Variants in PALLD observed in about 807,000 individuals in gnomAD.
PALLD encodes palladin.
In PALLD, 61 loss-of-function variants were observed where a neutral mutation model predicts 123.5. That is an observed-to-expected ratio of 0.49 (90% confidence interval 0.40 to 0.61). The LOEUF (loss-of-function observed/expected upper bound fraction) is 0.61, where lower values mean the gene tolerates loss of function less well. Among genes scored for constraint, PALLD ranks in the 20% least tolerant of loss-of-function variants. The probability of loss-of-function intolerance (pLI) is 0.00; values close to 1 mark genes in which losing one functional copy is unlikely to be tolerated. For synonymous variants in PALLD, 465 were observed against 496.4 expected (o/e 0.94, Z 0.84); for missense variants, 1,273 against 1,377.0 (o/e 0.92, Z 1.20).
intron 10 of PALLD, among the ~76,000 whole-genome samples, chr4:168,820,627 T>C (rs1742578635): frequency 6.6e-6 from 1 of 152,128 alleles, no homozygotes. Context: ...CTCTTAAGCA[T>C]GAACTTGCAT....
chr4:168,783,353 A>G (rs918566641), intron 10 of PALLD, among the ~76,000 whole-genome samples: 12 of 152,158 alleles, frequency 7.9e-5, no homozygotes, highest in Non-Finnish European at 1.5e-4. Flanking sequence ...TAAAATAAGC[A>G]TAATACAGAG....
intron 1 of PALLD, among the ~76,000 whole-genome samples, chr4:168,500,645 G>A (rs772976276): frequency 6.6e-5 from 10 of 152,192 alleles, no homozygotes; most frequent in Non-Finnish European, 1.5e-4. Context: ...AACAGTGCTG[G>A]GAGTACAGAT....
At chr4:168,767,247 C>G (rs369886317) in intron 10 of PALLD, among the ~76,000 whole-genome samples, 1 of 152,304 alleles carries the variant, frequency 6.6e-6, no homozygotes, top group African/African-American at 2.4e-5. Flanking sequence ...CCATCGTCAT[C>G]TCATGCCACA....
intron 10 of PALLD, among the ~76,000 whole-genome samples, chr4:168,786,026 A>G (rs189788932): frequency 1.3e-5 from 2 of 151,814 alleles, no homozygotes; most frequent in East Asian, 3.9e-4. Context: ...TTCAAATAGT[A>G]TGATAGAAGT....
At chr4:168,586,586 A>G (rs917922944) in intron 2 of PALLD, among the ~76,000 whole-genome samples, 1 of 152,176 alleles carries the variant, frequency 6.6e-6, no homozygotes, top group African/African-American at 2.4e-5. Flanking sequence ...ACGTAAGCTG[A>G]ATCATTGTGC....
chr4:168,717,498 G>A (rs930573670), intron 10 of PALLD, among the ~76,000 whole-genome samples: 4 of 151,934 alleles, frequency 2.6e-5, no homozygotes, highest in South Asian at 2.1e-4. Context: ...TTACAGGCAC[G>A]TGCCACCACC....
At chr4:168,781,514 C>T (rs1735925301) in intron 10 of PALLD, among the ~76,000 whole-genome samples, 1 of 152,150 alleles carries the variant, frequency 6.6e-6, no homozygotes. Context: ...AAGCCTGTCG[C>T]AGCACAGCAT....
rs988381657 is a variant in PALLD, at chr4:168,526,000, C to T, written c.908+13588C>T. The stretch of plus-strand genomic sequence containing the variant: ...ATACTGATCTAGTCCCTTTCACCTG[C>T]AAATCTTAAAATCTTAACATTTGTT... On this transcript the variant is annotated intron_variant, in intron 2 of 21. Coordinates refer to ENST00000505667, the MANE Select transcript of PALLD (RefSeq NM_001166108.2). Among the ~76,000 whole-genome samples the T allele has an allele frequency of 3.9e-5, 6 of 152,274 alleles. No individual in the cohort carries two copies. The South Asian group carries it at 1.0e-3, about 26-fold the overall frequency.
intron 10 of PALLD, among the ~76,000 whole-genome samples, chr4:168,782,011 A>G (rs7688994): frequency 0.53 from 80,077 of 151,890 alleles, 22,106 homozygotes; most frequent in Non-Finnish European, 0.63. Context: ...CCCCAACCAG[A>G]TTCATGCCTG....
At chr4:168,893,276 T>C (rs1256342693) in intron 11 of PALLD, among the ~76,000 whole-genome samples, 1 of 152,180 alleles carries the variant, frequency 6.6e-6, no homozygotes, top group Non-Finnish European at 1.5e-5. Flanking sequence ...TTTTAATAGG[T>C]GTGAGAAAAT....
chr4:168,579,030 AAAG>A (rs1413314271), intron 2 of PALLD, among the ~76,000 whole-genome samples: 3 of 151,088 alleles, frequency 2.0e-5, no homozygotes, highest in African/African-American at 4.9e-5. Flanking sequence ...TTTCACAGGA[AAAG>A]AAGAGCATTT....
intron 2 of PALLD, among the ~76,000 whole-genome samples, chr4:168,544,748 AG>A (rs751222465): frequency 4.6e-5 from 7 of 152,336 alleles, no homozygotes; most frequent in Non-Finnish European, 1.0e-4. Flanking sequence ...TCACTAAAAA[AG>A]TTAACTGATT....
intron 2 of PALLD, among the ~76,000 whole-genome samples, chr4:168,631,083 C>T (rs1262769729): frequency 2.0e-5 from 3 of 152,168 alleles, no homozygotes; most frequent in Admixed American, 6.5e-5. Flanking sequence ...GAACAAAGAC[C>T]AGATTTATTC....
At chr4:168,900,993 T>C (rs1213244603) in intron 14 of PALLD, among the ~76,000 whole-genome samples, 1 of 152,200 alleles carries the variant, frequency 6.6e-6, no homozygotes, top group Non-Finnish European at 1.5e-5. Context: ...ACATGAAAGA[T>C]GGGCTTTTGT....
intron 10 of PALLD, among the ~76,000 whole-genome samples, chr4:168,814,445 A>T (rs1741617977): frequency 6.6e-6 from 1 of 152,230 alleles, no homozygotes; most frequent in African/African-American, 2.4e-5. Context: ...GCCTTAAGCA[A>T]CTGTATAATT....
intron 2 of PALLD, among the ~76,000 whole-genome samples, chr4:168,647,217 T>C (rs949232064): frequency 7.2e-5 from 11 of 152,168 alleles, no homozygotes; most frequent in African/African-American, 2.2e-4. Flanking sequence ...GATTAGACAG[T>C]AGAATATTTT....
chr4:168,564,764 A>G (rs1768200064), intron 2 of PALLD, among the ~76,000 whole-genome samples: 1 of 152,176 alleles, frequency 6.6e-6, no homozygotes, highest in Non-Finnish European at 1.5e-5. Context: ...TTTCAAGTTT[A>G]TATATTTATG....
chr4:168,921,839 TA>T (rs1215732798), intron 18 of PALLD, 98 bp downstream of exon 18: 5 of 967,358 alleles, frequency 5.2e-6, no homozygotes, highest in East Asian at 2.5e-5. Flanking sequence ...GAAAATAAAG[TA>T]TTGAAAAAAT....
At chr4:168,525,568 T>C (rs1763966036) in intron 2 of PALLD, among the ~76,000 whole-genome samples, 1 of 152,244 alleles carries the variant, frequency 6.6e-6, no homozygotes, top group African/African-American at 2.4e-5. Context: ...TCTTGACCAA[T>C]TCATTTCCAA....
Sources: allele counts gnomAD v4.1 joint callset (sites outside exome capture counted in the v4.1 genomes callset), GRCh38; gene constraint gnomAD v4.1.1; transcripts MANE v1.5; gene names NCBI Gene and HGNC (gene_info 2026-07-23, HGNC 2026-07-21).